The following CACNG7 variants were observed in gnomAD, a reference collection of about 807,000 sequenced individuals.
The protein encoded by CACNG7 is voltage-dependent calcium channel gamma-7 subunit.
A neutral mutation model predicts 26.3 loss-of-function variants in CACNG7; 9 were observed. The ratio of observed to expected loss-of-function variants is 0.34; its 90% CI spans 0.21 to 0.60. The LOEUF (loss-of-function observed/expected upper bound fraction) is 0.60, where lower values mean the gene tolerates loss of function less well. Ranked by LOEUF, CACNG7 falls within the 20% of genes least tolerant of loss-of-function variation. The pLI is 0.81. For missense variants in CACNG7, 297 were observed against 380.4 expected, an observed-to-expected ratio of 0.78 and a Z score of 1.82; for synonymous variants, 170 against 157.0, an observed-to-expected ratio of 1.08 and a Z score of -0.62.
At chr19:53,927,229 A>G (rs1214856841) in intron 4 of CACNG7, among the ~76,000 whole-genome samples, 1 of 152,088 alleles carries the variant, frequency 6.6e-6, no homozygotes, top group African/African-American at 2.4e-5. Context: ...CTGGGCTGAG[A>G]CCTTTTCAAA....
In CACNG7 at chr19:53,912,966, C is replaced by T. The variant is rs1599963290; in HGVS notation, c.135C>T (p.Asn45=). The T allele has an allele frequency of 1.2e-6, 2 of 1,613,870 alleles. No homozygotes were observed. Among genetic ancestry groups the T allele is most frequent in the East Asian group, 2.2e-5 (1 of 44,854 alleles). ...YMEEGTVLPQ[N]QTTEVKMALH... ...AAGAAGGCACAGTGCTACCGCAGAA[C>T]CAGACCACCGAGGTCAAGATGGCCC... Residue 45 remains asparagine (N), a synonymous_variant, in exon 2 of 6, where the codon AAC becomes AAT. Coordinates refer to ENST00000391767, the MANE Select transcript of CACNG7 (RefSeq NM_031896.5). This position sits in a 1 kb window ranked among gnomAD's most constrained non-coding sequence, Gnocchi z 4.6.
At chr19:53,917,660 T>C (rs1599969230) in intron 4 of CACNG7, among the ~76,000 whole-genome samples, 1 of 151,996 alleles carries the variant, frequency 6.6e-6, no homozygotes, top group Admixed American at 6.6e-5. Context: ...GATCCTAGAG[T>C]GTGAGAGCGG....
Position 53,939,489 on chromosome 19 carries a change from G to A in CACNG7, c.425-1981G>A, listed in dbSNP as rs1036090725. 6.6e-6 allele frequency among the ~76,000 whole-genome samples: 1 copy of A among 151,946 alleles called. No homozygotes were observed. Among genetic ancestry groups the A allele is most frequent in the Non-Finnish European group, 1.5e-5 (1 of 67,992 alleles). On this transcript the variant is annotated intron_variant, in intron 4 of 5. Coordinates refer to ENST00000391767, the MANE Select transcript of CACNG7 (RefSeq NM_031896.5). This position sits in a 1 kb window ranked among gnomAD's most constrained non-coding sequence, Gnocchi z 4.2. ...CCACTAATCTACTTTCTGTCTCTGTGGATTTGCCTATTCTGGACATTGCAT... is the reference window on the plus strand; with the variant it reads ...CCACTAATCTACTTTCTGTCTCTGTAGATTTGCCTATTCTGGACATTGCAT...
intron 4 of CACNG7, among the ~76,000 whole-genome samples, chr19:53,937,716 G>A (rs899255846): frequency 7.3e-5 from 11 of 151,688 alleles, no homozygotes; most frequent in South Asian, 2.1e-4. Context: ...TCAGCATCCC[G>A]AGTAGCTGGG....
chr19:53,921,364 G>A (rs569191865), intron 4 of CACNG7, among the ~76,000 whole-genome samples: 2 of 120,606 alleles, frequency 1.7e-5, no homozygotes, highest in South Asian at 2.6e-4. Flanking sequence ...TGGTGGAGTC[G>A]TCCCCAGGTC....
intron 4 of CACNG7, among the ~76,000 whole-genome samples, chr19:53,937,855 T>A (rs1348158178): frequency 6.6e-6 from 1 of 152,022 alleles, no homozygotes; most frequent in African/African-American, 2.4e-5. Context: ...CCTCCCAAAG[T>A]GCTGGGATTA....
rs190671247 is a variant in CACNG7 at position 53,910,061 on chromosome 19, C to T, written c.-30+544C>T. Among the ~76,000 whole-genome samples, 761 of 152,008 alleles carry T rather than the reference C, an allele frequency of 5.0e-3. 5 individuals carry two copies. The highest frequency in any genetic ancestry group is 9.4e-3 in the Admixed American group (143 of 15,270). ...GGCTGGAGGAATAAGGAGATCTGGG[C>T]GGGCCAGTGAGAGGGAGGAGGAATT... is the stretch of plus-strand genomic sequence containing the variant. On this transcript the variant is annotated intron_variant, in intron 1 of 5. Coordinates refer to ENST00000391767, the MANE Select transcript of CACNG7 (RefSeq NM_031896.5).
chr19:53,912,134 G>A lies in CACNG7; in HGVS notation c.-29-669G>A, dbSNP rs2068865701. ...GCCAGCTCAAGTTGTAGAGCATCCAGGGTTCAAGCCCAATGCCCTGTGCTC... is the reference window on the plus strand; with the variant it reads ...GCCAGCTCAAGTTGTAGAGCATCCAAGGTTCAAGCCCAATGCCCTGTGCTC... On this transcript the variant is annotated intron_variant, in intron 1 of 5. Coordinates refer to ENST00000391767, the MANE Select transcript of CACNG7 (RefSeq NM_031896.5). This position sits in a 1 kb window ranked among gnomAD's most constrained non-coding sequence, Gnocchi z 4.6. Among the ~76,000 whole-genome samples the A allele has an allele frequency of 6.6e-6, 1 of 152,178 alleles. No homozygotes were observed. The highest frequency in any genetic ancestry group is 6.5e-5 in the Admixed American group (1 of 15,280).
chr19:53,936,749 C>T (rs2069107522), intron 4 of CACNG7, among the ~76,000 whole-genome samples: 1 of 152,178 alleles, frequency 6.6e-6, no homozygotes, highest in Non-Finnish European at 1.5e-5. Context: ...GCTGGGATTA[C>T]AGGCACCCAC....
chr19:53,910,053 G>A (rs2068852873), intron 1 of CACNG7, among the ~76,000 whole-genome samples: 1 of 152,156 alleles, frequency 6.6e-6, no homozygotes, highest in African/African-American at 2.4e-5. Flanking sequence ...GGAATAAGGA[G>A]ATCTGGGCGG....
intron 4 of CACNG7, among the ~76,000 whole-genome samples, chr19:53,934,927 C>G (rs1397953051): frequency 6.6e-6 from 1 of 151,938 alleles, no homozygotes; most frequent in African/African-American, 2.4e-5. Flanking sequence ...ACAATGAACT[C>G]TCATATCCTT....
intron 4 of CACNG7, among the ~76,000 whole-genome samples, chr19:53,918,647 A>G (rs2068913836): frequency 6.6e-6 from 1 of 152,256 alleles, no homozygotes; most frequent in South Asian, 2.1e-4. Context: ...TGTTGTTTTA[A>G]GTAAATAAAT....
At chr19:53,930,422 G>A (rs576821562) in intron 4 of CACNG7, among the ~76,000 whole-genome samples, 26 of 152,194 alleles carry the variant, frequency 1.7e-4, no homozygotes, top group African/African-American at 6.3e-4. Context: ...GCCCAGGCTG[G>A]AGTGCAGTGG....
intron 4 of CACNG7, among the ~76,000 whole-genome samples, chr19:53,936,226 C>T (rs2069104543): frequency 1.3e-5 from 2 of 152,114 alleles, no homozygotes; most frequent in Admixed American, 1.3e-4. Context: ...AGGAACACGA[C>T]ATAAAGGAGG....
rs567843325 is a variant in CACNG7, at chr19:53,924,833, G to A, written c.424+9328G>A. ...ACTTGCCCCAGGTCTGGTCATTGGT[G>A]GAGTTGCCCCAGGTCTGGTCATTGG... On this transcript the variant is annotated intron_variant, in intron 4 of 5. Transcript: ENST00000391767. 3.2e-3 allele frequency among the ~76,000 whole-genome samples: 456 copies of A among 143,750 alleles called. 7 individuals carry two copies. The highest frequency in any genetic ancestry group is 0.011 in the African/African-American group (429 of 37,850). The allele number at this position is 143,750 out of a possible 152,430, so 94.3% of individuals were successfully genotyped here.
intron 4 of CACNG7, among the ~76,000 whole-genome samples, chr19:53,935,207 G>A (rs1214762995): frequency 3.9e-5 from 6 of 151,988 alleles, no homozygotes; most frequent in Admixed American, 3.3e-4. Flanking sequence ...TAAGAACAAG[G>A]GCATTCTTTT....
chr19:53,917,525 C>CCA (rs2068906340), intron 4 of CACNG7, among the ~76,000 whole-genome samples: 1 of 152,138 alleles, frequency 6.6e-6, no homozygotes, highest in Non-Finnish European at 1.5e-5. Context: ...GCAACCTCCC[C>CCA]CATGCCTTCA....
chr19:53,921,552 GCCCCAGGCTGGTCATTGGTGGAGTT>G (rs1568774456), intron 4 of CACNG7, among the ~76,000 whole-genome samples: 99 of 130,828 alleles, frequency 7.6e-4, no homozygotes, highest in African/African-American at 3.0e-3. Flanking sequence ...TGGTGGAGTT[GCCCCAGGCTGGTCATTGGTGGAGTT>G]GCCCCAGGTC....
chr19:53,911,394 C>G (rs1384302961), intron 1 of CACNG7, among the ~76,000 whole-genome samples: 1 of 152,096 alleles, frequency 6.6e-6, no homozygotes, highest in Non-Finnish European at 1.5e-5. Context: ...GTTCTGGAAT[C>G]TGTAATCGAG....
Sources: gnomAD v4.1 joint callset for allele counts (sites outside exome capture counted in the v4.1 genomes callset) on GRCh38, gnomAD v4.1.1 for gene constraint, Gnocchi (gnomAD v3.1) non-coding constraint, MANE v1.5 for transcripts, NCBI Gene and HGNC (gene_info 2026-07-23, HGNC 2026-07-21) for gene names.